The following MGST1 variants were observed in gnomAD, a reference collection of about 807,000 sequenced individuals.
MGST1 encodes glutathione S-transferase 12.
Under a neutral mutation model 8.9 loss-of-function variants are expected in MGST1, and 5 were observed. The ratio of observed to expected loss-of-function variants is 0.56; its 90% confidence interval spans 0.29 to 1.19. MGST1 has a LOEUF of 1.19. Ranked by LOEUF, MGST1 falls within the 50% of genes most tolerant of loss-of-function variation. The pLI is 0.08. For missense variants in MGST1, 182 were observed against 187.4 expected, an observed-to-expected ratio of 0.97 and a Z score of 0.17; for synonymous variants, 54 against 67.8, an observed-to-expected ratio of 0.80 and a Z score of 1.00.
intron 4 of MGST1, among the ~76,000 whole-genome samples, chr12:16,534,666 G>T (rs1941743634): frequency 1.3e-5 from 2 of 152,104 alleles, no homozygotes; most frequent in African/African-American, 4.8e-5. Flanking sequence ...AATAAAATGG[G>T]CTTTGGGTTT....
At chr12:16,578,820 AC>A (rs199586837) in intron 4 of MGST1, among the ~76,000 whole-genome samples, 6,665 of 79,814 alleles carry the variant, frequency 0.084, 491 homozygotes, top group African/African-American at 0.25. Context: ...TCTGTCTCAA[AC>A]AACAACAACA....
chr12:16,414,373 T>G (rs1456809313), intron 1 of MGST1, among the ~76,000 whole-genome samples: 1 of 150,088 alleles, frequency 6.7e-6, no homozygotes, highest in East Asian at 1.9e-4. Context: ...TTTTTTTTTT[T>G]TTTAGGCCTC....
rs943827629 is a variant in MGST1, at chr12:16,555,586, A to T, written n.483-33942A>T. On this transcript the variant is annotated intron_variant and non_coding_transcript_variant, in intron 4 of 4. Coordinates refer to the MGST1 transcript ENST00000538857. This position sits in a 1 kb window ranked among gnomAD's most constrained non-coding sequence, Gnocchi z 5.5. Reference sequence around the variant, plus strand: ...AAATGTATTTTAGATGACTAATTTAAATTTGTATTCATTTTGACTTTTATT... The same window carrying T: ...AAATGTATTTTAGATGACTAATTTATATTTGTATTCATTTTGACTTTTATT... 2.6e-5 allele frequency among the ~76,000 whole-genome samples: 4 copies of T among 152,286 alleles called. No homozygotes were observed. Among genetic ancestry groups the T allele is most frequent in the Middle Eastern group, 3.4e-3 (1 of 294 alleles).
Position 16,401,711 on chromosome 12 carries a change from A to G in MGST1, n.778+18107A>G. Reference sequence around the variant, plus strand: ...TAGGAGGGTAACACATTTCCACAGTAGAAGGGTCTGCCCCAGCAAGGTATT... The same window carrying G: ...TAGGAGGGTAACACATTTCCACAGTGGAAGGGTCTGCCCCAGCAAGGTATT... On this transcript the variant is annotated intron_variant and non_coding_transcript_variant, in intron 1 of 1. Coordinates refer to the MGST1 transcript ENST00000359720. The surrounding 1 kb of genome is among the most constrained non-coding windows in gnomAD (Gnocchi z 4.3). The G allele has an allele frequency of 6.2e-7, 1 of 1,602,340 alleles. No individual in the cohort carries two copies. The highest frequency in any genetic ancestry group is 1.1e-5 in the South Asian group (1 of 90,846).
At chr12:16,556,270 A>C (rs1942185944) in intron 4 of MGST1, among the ~76,000 whole-genome samples, 1 of 152,166 alleles carries the variant, frequency 6.6e-6, no homozygotes, top group Non-Finnish European at 1.5e-5. Context: ...GTTATATAGA[A>C]TCTTCCAATT....
At chr12:16,498,698 G>A (rs569383288) in intron 4 of MGST1, among the ~76,000 whole-genome samples, 14 of 152,106 alleles carry the variant, frequency 9.2e-5, no homozygotes, top group South Asian at 2.1e-4. Flanking sequence ...CAGGAGACCC[G>A]CTTTCCATGA....
intron 4 of MGST1, among the ~76,000 whole-genome samples, chr12:16,540,610 G>C (rs1365458019): frequency 6.6e-6 from 1 of 152,214 alleles, no homozygotes; most frequent in Admixed American, 6.5e-5. Context: ...ATTTAAGATT[G>C]GGTTAGAAGG....
At chr12:16,450,212 A>G (rs2137111983) in intron 4 of MGST1, among the ~76,000 whole-genome samples, 1 of 152,084 alleles carries the variant, frequency 6.6e-6, no homozygotes. Flanking sequence ...TCAGCTGCTA[A>G]GAACTTAATT....
At chr12:16,551,430 T>C in intron 4 of MGST1, 1 of 698,076 alleles carries the variant, frequency 1.4e-6, no homozygotes, top group Non-Finnish European at 2.5e-6. Flanking sequence ...GGTAATTCCC[T>C]GAATCTGAAA....
chr12:16,489,794 G>T (rs1226560915), intron 4 of MGST1, among the ~76,000 whole-genome samples: 5 of 152,152 alleles, frequency 3.3e-5, no homozygotes, highest in African/African-American at 4.8e-5. Flanking sequence ...AACTATGGTA[G>T]AATTGAATTG....
chr12:16,523,904 TTTTAG>T (rs1941665093), intron 4 of MGST1, among the ~76,000 whole-genome samples: 2 of 152,114 alleles, frequency 1.3e-5, no homozygotes, highest in African/African-American at 4.8e-5. Context: ...GAAAAACAGT[TTTTAG>T]TTTGATGCAA....
chr12:16,494,335 CCTT>C (rs1941457119), intron 4 of MGST1, among the ~76,000 whole-genome samples: 1 of 152,060 alleles, frequency 6.6e-6, no homozygotes, highest in Admixed American at 6.6e-5. Flanking sequence ...TCTCATGATA[CCTT>C]CTTCTCAGAG....
intron 4 of MGST1, among the ~76,000 whole-genome samples, chr12:16,530,410 A>T (rs573670068): frequency 1.3e-5 from 2 of 152,108 alleles, no homozygotes; most frequent in East Asian, 3.9e-4. Context: ...CCTGCTACAA[A>T]CTCAGCCCCT....
chr12:16,463,392 A>G (rs528523407), intron 4 of MGST1, among the ~76,000 whole-genome samples: 32 of 138,350 alleles, frequency 2.3e-4, no homozygotes, highest in African/African-American at 8.5e-4. Context: ...TAATTTTTTT[A>G]AAAGACCGGT....
At chr12:16,418,141 C>T (rs529208701) in intron 1 of MGST1, among the ~76,000 whole-genome samples, 2 of 152,148 alleles carry the variant, frequency 1.3e-5, no homozygotes, top group South Asian at 2.1e-4. Flanking sequence ...TCCATGGGCC[C>T]CGAGTTTTAT....
At chr12:16,480,810 C>T (rs1941358769) in intron 4 of MGST1, among the ~76,000 whole-genome samples, 1 of 152,090 alleles carries the variant, frequency 6.6e-6, no homozygotes, top group Non-Finnish European at 1.5e-5. Context: ...GTAGCTCCCA[C>T]CTGTAATCCC....
intron 3 of MGST1, among the ~76,000 whole-genome samples, chr12:16,358,471 CTTT>C (rs796550483): frequency 6.9e-6 from 1 of 144,798 alleles, no homozygotes; most frequent in Admixed American, 6.9e-5. Context: ...TGATTTCATT[CTTT>C]TTTTTTTTTT....
intron 4 of MGST1, among the ~76,000 whole-genome samples, chr12:16,514,631 G>A (rs1941599763): frequency 6.7e-6 from 1 of 149,696 alleles, no homozygotes; most frequent in South Asian, 2.5e-4. Flanking sequence ...CCAGCAATGT[G>A]GGCTACCTTG....
chr12:16,399,688 C>A, intron 1 of MGST1: 1 of 1,396,584 alleles, frequency 7.2e-7, no homozygotes, highest in African/African-American at 1.4e-5. Context: ...TCGAAAAAGC[C>A]CTCAGGGTCA....
Sources: gnomAD v4.1 joint callset for allele counts (sites outside exome capture counted in the v4.1 genomes callset) on GRCh38, gnomAD v4.1.1 for gene constraint, Gnocchi (gnomAD v3.1) non-coding constraint, MANE v1.5 for transcripts, NCBI Gene and HGNC (gene_info 2026-07-23, HGNC 2026-07-21) for gene names.